Variants in TMEM117 observed in about 807,000 individuals in gnomAD.
The protein encoded by TMEM117 is transmembrane protein 117.
In TMEM117, 27 loss-of-function variants were observed where a neutral mutation model predicts 52.4. The observed-to-expected ratio is 0.51, with a 90% CI of 0.38 to 0.71. The LOEUF is 0.71. TMEM117 is among the 30% of genes least tolerant of loss of function. TMEM117 has a pLI of 0.00. For synonymous variants in TMEM117, 215 were observed against 206.3 expected, an observed-to-expected ratio of 1.04 and a Z score of -0.36; for missense variants, 556 against 630.5, an observed-to-expected ratio of 0.88 and a Z score of 1.26.
In TMEM117 at chr12:44,364,545, A is replaced by G. The variant is rs560399348; in HGVS notation, c.769-12050A>G. 3.3e-5 allele frequency among the ~76,000 whole-genome samples: 5 copies of G among 152,202 alleles called. No individual in the cohort carries two copies. The East Asian group carries it at 9.7e-4, about 29-fold the overall frequency. ...ATTCTATTTAAAATCAAATATAAAG[A>G]AGGATATTTAATAAAATGATTAATG... is the stretch of plus-strand genomic sequence containing the variant. On this transcript the variant is annotated intron_variant, in intron 6 of 7. Coordinates refer to ENST00000266534, the MANE Select transcript of TMEM117 (RefSeq NM_032256.3).
chr12:43,811,331 G>T, the TMEM117 span, among the ~76,000 whole-genome samples: 1,380 of 152,300 alleles, frequency 9.1e-3, 24 homozygotes, highest in East Asian at 0.073. Flanking sequence ...TCCAGCTGCT[G>T]TCTTGGACCT....
At chr12:43,919,436 G>T (rs1457200792) in intron 2 of TMEM117, among the ~76,000 whole-genome samples, 1 of 152,154 alleles carries the variant, frequency 6.6e-6, no homozygotes, top group Non-Finnish European at 1.5e-5. Flanking sequence ...TGTCCTGAAG[G>T]TTCATCCATG....
chr12:44,092,930 G>C (rs1020103798), intron 3 of TMEM117, among the ~76,000 whole-genome samples: 28 of 152,292 alleles, frequency 1.8e-4, no homozygotes, highest in East Asian at 1.2e-3. Flanking sequence ...CACTTCTGCA[G>C]TACAGGAAAT....
Position 44,236,230 on chromosome 12 carries a change from A to G in TMEM117, c.608+24843A>G, listed in dbSNP as rs540672402. On this transcript the variant is annotated intron_variant, in intron 5 of 7. Coordinates refer to ENST00000266534, the MANE Select transcript of TMEM117 (RefSeq NM_032256.3). ...GAGCGCCATTGTGCCATTCTCTTCCACTTTTCTATCTGAGGTGCCAGTTAA... is the reference window on the plus strand; with the variant it reads ...GAGCGCCATTGTGCCATTCTCTTCCGCTTTTCTATCTGAGGTGCCAGTTAA... Among the ~76,000 whole-genome samples, 8 of 151,582 alleles carry G rather than the reference A, an allele frequency of 5.3e-5. No homozygotes were observed. The South Asian group carries it at 1.7e-3, about 31-fold the overall frequency.
chr12:43,893,534 C>CAA (rs1944145515), intron 2 of TMEM117, among the ~76,000 whole-genome samples: 1 of 152,190 alleles, frequency 6.6e-6, no homozygotes, highest in Non-Finnish European at 1.5e-5. Flanking sequence ...CAACCTAAAT[C>CAA]TCTGTCCATT....
At position 44,042,805 on chromosome 12, in the gene TMEM117, CACA is replaced by C. The variant is rs1565804582; in HGVS notation, c.410+98464_410+98466del. Among the ~76,000 whole-genome samples the C allele has an allele frequency of 1.2e-3, 158 of 131,038 alleles. 1 individual carries two copies. Among genetic ancestry groups the C allele is most frequent in the South Asian group, 3.8e-3 (15 of 3,970 alleles). 86.0% of individuals were successfully genotyped at this position (131,038 alleles called of 152,430 possible). A position where few individuals can be genotyped will look rare whatever the true frequency, so the allele number is the denominator to read the frequency against. On this transcript the variant is annotated intron_variant, in intron 3 of 7. Transcript: ENST00000266534. ...ACACACACACACACACACACACACA[CACA>C]CTTATTAGTTCTGCCCCTCTAGGGA... is the stretch of plus-strand genomic sequence containing the variant.
intron 2 of TMEM117, among the ~76,000 whole-genome samples, chr12:43,855,105 A>G (rs1051895966): frequency 2.0e-5 from 3 of 152,236 alleles, no homozygotes; most frequent in Admixed American, 2.0e-4. Flanking sequence ...AAGACCACAG[A>G]CAGACTCAAG....
intron 6 of TMEM117, among the ~76,000 whole-genome samples, chr12:44,336,256 C>T (rs1487815720): frequency 6.6e-6 from 1 of 151,906 alleles, no homozygotes; most frequent in African/African-American, 2.4e-5. Context: ...TTGTCTTTAT[C>T]TGTAAAATGA....
At chr12:43,889,314 C>A (rs58531015) in intron 2 of TMEM117, among the ~76,000 whole-genome samples, 8,755 of 152,224 alleles carry the variant, frequency 0.058, 301 homozygotes, top group Middle Eastern at 0.13. Context: ...AACTCCTGAC[C>A]TCAAGTTATC....
chr12:44,138,711 T>A (rs1239807610), intron 3 of TMEM117, among the ~76,000 whole-genome samples: 1 of 152,150 alleles, frequency 6.6e-6, no homozygotes, highest in African/African-American at 2.4e-5. Context: ...TTCCAGGGGA[T>A]CTTGCCCCAT....
the TMEM117 span, among the ~76,000 whole-genome samples, chr12:43,814,425 C>T: frequency 3.3e-5 from 5 of 152,246 alleles, no homozygotes; most frequent in African/African-American, 1.2e-4. Context: ...ACTTTCTCCC[C>T]ACTGGCTTCT....
chr12:44,354,539 A>T (rs1176755439), intron 6 of TMEM117, among the ~76,000 whole-genome samples: 3 of 152,104 alleles, frequency 2.0e-5, no homozygotes, highest in African/African-American at 7.2e-5. Context: ...AACATAATCC[A>T]GCATATAAAC....
chr12:44,251,204 A>G (rs1032812806), intron 5 of TMEM117, among the ~76,000 whole-genome samples: 2 of 152,134 alleles, frequency 1.3e-5, no homozygotes, highest in Non-Finnish European at 2.9e-5. Context: ...TTAGATTTAC[A>G]ACATTATTAA....
chr12:44,351,762 T>C (rs963059803), intron 6 of TMEM117, among the ~76,000 whole-genome samples: 4 of 151,966 alleles, frequency 2.6e-5, no homozygotes, highest in Non-Finnish European at 4.4e-5. Flanking sequence ...TAAAAAATGA[T>C]TTAAAAAGCC....
intron 6 of TMEM117, among the ~76,000 whole-genome samples, chr12:44,362,596 G>A (rs1285830101): frequency 1.3e-5 from 2 of 151,484 alleles, no homozygotes; most frequent in Non-Finnish European, 1.5e-5. Context: ...AAAAAGCAAA[G>A]GAAAGAGATT....
intron 3 of TMEM117, among the ~76,000 whole-genome samples, chr12:44,075,022 G>A (rs115345046): frequency 0.017 from 2,630 of 152,288 alleles, 82 homozygotes; most frequent in African/African-American, 0.058. Context: ...TTTCTCAGAA[G>A]TTGAGTTTTT....
At chr12:44,350,422 A>C (rs1190671803) in intron 6 of TMEM117, among the ~76,000 whole-genome samples, 1 of 152,004 alleles carries the variant, frequency 6.6e-6, no homozygotes, top group Non-Finnish European at 1.5e-5. Context: ...TAGTTATTTC[A>C]AAAGGTACAA....
chr12:43,877,274 T>C (rs1943813991), intron 2 of TMEM117, among the ~76,000 whole-genome samples: 1 of 152,146 alleles, frequency 6.6e-6, no homozygotes, highest in African/African-American at 2.4e-5. Context: ...TTTGGAGAAA[T>C]ATAAATTTTT....
chr12:44,074,683 A>G (rs1020645194), intron 3 of TMEM117, among the ~76,000 whole-genome samples: 16 of 152,134 alleles, frequency 1.1e-4, no homozygotes, highest in African/African-American at 3.6e-4. Flanking sequence ...TATATATCAT[A>G]TACATTTGGC....
Sources: gnomAD v4.1 joint callset for allele counts (sites outside exome capture counted in the v4.1 genomes callset) on GRCh38, gnomAD v4.1.1 for gene constraint, MANE v1.5 for transcripts, NCBI Gene and HGNC (gene_info 2026-07-23, HGNC 2026-07-21) for gene names.